The following ITSN1 variants were observed in gnomAD, a reference collection of about 807,000 sequenced individuals.
ITSN1 encodes intersectin-1.
In ITSN1, 58 loss-of-function variants were observed where a neutral mutation model predicts 239.8. The ratio of observed to expected loss-of-function variants is 0.24; its 90% CI spans 0.20 to 0.30. The LOEUF (loss-of-function observed/expected upper bound fraction) is 0.30, where lower values mean the gene tolerates loss of function less well. ITSN1 is among the 10% of genes least tolerant of loss of function. The pLI, the probability that ITSN1 is intolerant of heterozygous loss-of-function variation, is 1.00. For missense variants in ITSN1, 1,558 were observed against 2,103.3 expected (o/e 0.74, Z 5.07); for synonymous variants, 780 against 770.8 (o/e 1.01, Z -0.20).
chr21:33,784,351 ACACT>A (rs1270384219), intron 16 of ITSN1, among the ~76,000 whole-genome samples: 4 of 143,034 alleles, frequency 2.8e-5, no homozygotes, highest in Non-Finnish European at 4.6e-5. Flanking sequence ...ACACACACAC[ACACT>A]AGTCAGGTAT....
chr21:33,681,212 G>A (rs190251607), intron 1 of ITSN1, among the ~76,000 whole-genome samples: 130 of 152,292 alleles, frequency 8.5e-4, no homozygotes, highest in Non-Finnish European at 1.7e-3. Context: ...TGTATGGAGC[G>A]ATATTTAAGA....
At chr21:33,840,047 C>T (rs1404979811) in intron 29 of ITSN1, among the ~76,000 whole-genome samples, 1 of 152,194 alleles carries the variant, frequency 6.6e-6, no homozygotes, top group African/African-American at 2.4e-5. Flanking sequence ...AAGGCTGCCC[C>T]GGTAACTCCT....
chr21:33,720,240 CT>C (rs2065404262), intron 2 of ITSN1, among the ~76,000 whole-genome samples: 1 of 152,216 alleles, frequency 6.6e-6, no homozygotes, highest in Non-Finnish European at 1.5e-5. Flanking sequence ...TGGATTTTTA[CT>C]TTATCTGTCA....
intron 4 of ITSN1, among the ~76,000 whole-genome samples, chr21:33,723,119 G>A (rs915233511): frequency 2.0e-5 from 3 of 152,120 alleles, no homozygotes; most frequent in African/African-American, 7.2e-5. Context: ...TCACAAATAG[G>A]CATTCAATCT....
chr21:33,721,045 C>G (rs2065453329), intron 2 of ITSN1, 133 bp from the exon 3 acceptor site: 1 of 594,698 alleles, frequency 1.7e-6, no homozygotes. Flanking sequence ...CTTCCAAGGA[C>G]AAGAAGATGT....
chr21:33,682,376 C>T lies in ITSN1; in HGVS notation c.-32-36421C>T, dbSNP rs183993796. On this transcript the variant is annotated intron_variant, in intron 1 of 39. Transcript: ENST00000381318. ...GATTACAGGCATGCGCCACCACGCCCGGCTAATTTTGTATTTTTGGTAGAG... is the reference window on the plus strand; with the variant it reads ...GATTACAGGCATGCGCCACCACGCCTGGCTAATTTTGTATTTTTGGTAGAG... Among the ~76,000 whole-genome samples the T allele has an allele frequency of 1.2e-3, 181 of 152,138 alleles. 1 individual carries two copies. Among genetic ancestry groups the T allele is most frequent in the Middle Eastern group, 6.8e-3 (2 of 294 alleles).
chr21:33,682,318 C>T (rs1053474371), intron 1 of ITSN1, among the ~76,000 whole-genome samples: 13 of 150,664 alleles, frequency 8.6e-5, no homozygotes, highest in Non-Finnish European at 1.6e-4. Flanking sequence ...CAGGTTCAAG[C>T]GATTCTCGCT....
intron 1 of ITSN1, among the ~76,000 whole-genome samples, chr21:33,706,659 T>C (rs972539293): frequency 6.6e-6 from 1 of 152,226 alleles, no homozygotes; most frequent in East Asian, 1.9e-4. Context: ...AGGATTCCTA[T>C]TCACAATCTG....
At chr21:33,830,522 G>GGGAGGGA (rs1054351409) in intron 27 of ITSN1, among the ~76,000 whole-genome samples, 2 of 152,124 alleles carry the variant, frequency 1.3e-5, no homozygotes, top group African/African-American at 2.4e-5. Flanking sequence ...CAGCTGTGCC[G>GGGAGGGA]GGAGGGAGGA....
intron 1 of ITSN1, among the ~76,000 whole-genome samples, chr21:33,676,928 T>C (rs1484864464): frequency 6.6e-6 from 1 of 151,004 alleles, no homozygotes. Context: ...ACACTGCATG[T>C]TCTCACTCAT....
At position 33,865,314 on chromosome 21, in the gene ITSN1, G is replaced by T. The variant is rs1226328098; in HGVS notation, c.4054G>T (p.Asp1352Tyr). The change falls in exon 32 of 40, where the codon GAC (aspartate) becomes TAC (tyrosine). Residue 1352 changes from aspartate to tyrosine, a missense_variant. Transcript: ENST00000381318. This position sits in a 1 kb window ranked among gnomAD's most constrained non-coding sequence, Gnocchi z 4.4. ...CCAGCAGAAGACGGATGAGGCCCCAGACTTCAAGGAGTTCGTCAAAGTAAG... is the reference window on the plus strand; with the variant it reads ...CCAGCAGAAGACGGATGAGGCCCCATACTTCAAGGAGTTCGTCAAAGTAAG... Reference protein sequence around the residue: ...LIQQKTDEAPDFKEFVKRLAM... With the variant: ...LIQQKTDEAPYFKEFVKRLAM... 1.9e-6 allele frequency: 3 copies of T among 1,571,318 alleles called. No homozygotes were observed. The Admixed American group carries it at 5.7e-5, about 30-fold the overall frequency.
intron 1 of ITSN1, among the ~76,000 whole-genome samples, chr21:33,673,134 G>C (rs1324199104): frequency 6.6e-6 from 1 of 152,220 alleles, no homozygotes; most frequent in Non-Finnish European, 1.5e-5. Context: ...TGGAGAGCAT[G>C]CTGCTAAGTG....
chr21:33,832,025 TC>T (rs1407263313), intron 27 of ITSN1, among the ~76,000 whole-genome samples: 3 of 152,082 alleles, frequency 2.0e-5, no homozygotes, highest in Non-Finnish European at 4.4e-5. Context: ...CGTGGGAGAC[TC>T]CCATCGCCTG....
intron 15 of ITSN1, 68 bp from the exon 16 acceptor site, chr21:33,781,926 C>A: frequency 7.1e-7 from 1 of 1,405,450 alleles, no homozygotes; most frequent in Non-Finnish European, 9.8e-7. Flanking sequence ...GAAATGAGAA[C>A]ATTAAAAAAC....
chr21:33,837,749 T>G lies in ITSN1; in HGVS notation c.3661+1117T>G, dbSNP rs935272615. 10 of 985,806 alleles carry G rather than the reference T, an allele frequency of 1.0e-5. No homozygotes were observed. In the African/African-American group the frequency reaches 1.6e-4, roughly 15 times the overall value. The allele number at this position is 985,806 out of a possible 1,614,324, so 61.1% of individuals were successfully genotyped here. Reference sequence around the variant, plus strand: ...TTGCATTTAATTTTATTTTGCACAGTGACCTTGTAGCCACATGAGAAAGCA... The same window carrying G: ...TTGCATTTAATTTTATTTTGCACAGGGACCTTGTAGCCACATGAGAAAGCA... On this transcript the variant is annotated intron_variant, in intron 29 of 39. Coordinates refer to ENST00000381318, the MANE Select transcript of ITSN1 (RefSeq NM_003024.3).
chr21:33,852,121 G>A (rs1978436907), intron 29 of ITSN1, among the ~76,000 whole-genome samples: 1 of 152,050 alleles, frequency 6.6e-6, no homozygotes, highest in Non-Finnish European at 1.5e-5. Context: ...TAATTTTCCT[G>A]TTGTGTCTCT....
intron 16 of ITSN1, among the ~76,000 whole-genome samples, chr21:33,789,381 T>C (rs1257051113): frequency 2.0e-5 from 3 of 152,198 alleles, no homozygotes; most frequent in Non-Finnish European, 4.4e-5. Context: ...ATTATAAATG[T>C]TATATGTGAG....
chr21:33,845,055 G>C (rs1055170365), intron 29 of ITSN1, among the ~76,000 whole-genome samples: 2 of 151,918 alleles, frequency 1.3e-5, no homozygotes, highest in African/African-American at 4.8e-5. Context: ...ACATGGAACC[G>C]GCCTGGTCAT....
At chr21:33,645,605 G>A (rs1374416461) in intron 1 of ITSN1, among the ~76,000 whole-genome samples, 3 of 152,166 alleles carry the variant, frequency 2.0e-5, no homozygotes, top group Non-Finnish European at 4.4e-5. Context: ...AGCCATGATT[G>A]CCCTACTGCA....
Sources: allele counts gnomAD v4.1 joint callset (sites outside exome capture counted in the v4.1 genomes callset), GRCh38; gene constraint gnomAD v4.1.1; non-coding constraint Gnocchi (gnomAD v3.1); transcripts MANE v1.5; gene names NCBI Gene and HGNC (gene_info 2026-07-23, HGNC 2026-07-21).